DCC: variants seen among roughly 807,000 people sequenced by gnomAD.
DCC encodes the protein netrin receptor DCC.
A neutral mutation model predicts 172.5 loss-of-function variants in DCC; 58 were observed. The ratio of observed to expected loss-of-function variants is 0.34; its 90% CI spans 0.27 to 0.42. The LOEUF (loss-of-function observed/expected upper bound fraction) is 0.42, where lower values mean the gene tolerates loss of function less well. Among genes scored for constraint, DCC ranks in the 10% least tolerant of loss-of-function variants. DCC has a pLI of 1.00. For missense variants in DCC, 1,740 were observed against 1,791.0 expected, an observed-to-expected ratio of 0.97 and a Z score of 0.51; for synonymous variants, 709 against 644.5, an observed-to-expected ratio of 1.10 and a Z score of -1.52.
intron 5 of DCC, among the ~76,000 whole-genome samples, chr18:53,021,219 C>T (rs1568249780): frequency 6.6e-6 from 1 of 152,128 alleles, no homozygotes; most frequent in Non-Finnish European, 1.5e-5. Context: ...TACCTGGCCC[C>T]GTGTTCATTC....
intron 5 of DCC, among the ~76,000 whole-genome samples, chr18:53,042,534 A>T (rs2042182776): frequency 6.6e-6 from 1 of 151,952 alleles, no homozygotes; most frequent in Non-Finnish European, 1.5e-5. Context: ...TGAGTTAGGG[A>T]GGAGTCCCTC....
At chr18:53,219,556 C>T (rs373659472) in intron 12 of DCC, among the ~76,000 whole-genome samples, 2 of 152,108 alleles carry the variant, frequency 1.3e-5, no homozygotes, top group African/African-American at 4.8e-5. Flanking sequence ...TATCACCTCA[C>T]ACCTCTCTGC....
intron 1 of DCC, among the ~76,000 whole-genome samples, chr18:52,347,705 G>A (rs1983939327): frequency 6.6e-6 from 1 of 152,028 alleles, no homozygotes; most frequent in Admixed American, 6.6e-5. Context: ...CTTATTAGAG[G>A]AATATCTAAT....
intron 1 of DCC, among the ~76,000 whole-genome samples, chr18:52,547,182 C>T (rs578101996): frequency 2.6e-4 from 40 of 152,272 alleles, no homozygotes; most frequent in African/African-American, 8.4e-4. Flanking sequence ...CCAAGACATC[C>T]AATTGCAGGC....
chr18:52,632,572 A>C (rs558661610), intron 1 of DCC, among the ~76,000 whole-genome samples: 235 of 152,336 alleles, frequency 1.5e-3, no homozygotes, highest in African/African-American at 5.5e-3. Flanking sequence ...AGTAAATTTA[A>C]GGTCAACTAA....
chr18:53,318,287 G>T (rs2144817101), intron 13 of DCC, among the ~76,000 whole-genome samples: 2 of 152,226 alleles, frequency 1.3e-5, no homozygotes, highest in East Asian at 1.9e-4. Context: ...GTAGTTGTGT[G>T]GTTTTGAGTG....
At chr18:52,601,767 G>A (rs1477820425) in intron 1 of DCC, among the ~76,000 whole-genome samples, 2 of 151,972 alleles carry the variant, frequency 1.3e-5, no homozygotes, top group Non-Finnish European at 1.5e-5. Flanking sequence ...GCCTATATTA[G>A]CACAAGTGTA....
chr18:53,529,003 T>TTCTCTCTCTC (rs144580817), intron 28 of DCC, among the ~76,000 whole-genome samples: 23 of 101,086 alleles, frequency 2.3e-4, no homozygotes, highest in African/African-American at 4.0e-4. Context: ...TCACTTCAAC[T>TTCTCTCTCTC]TCTCTCTCTC....
chr18:53,295,258 T>A (rs1006365817), intron 12 of DCC, among the ~76,000 whole-genome samples: 1 of 152,110 alleles, frequency 6.6e-6, no homozygotes, highest in African/African-American at 2.4e-5. Flanking sequence ...CAAGAAATTA[T>A]ATATTTATTA....
intron 1 of DCC, among the ~76,000 whole-genome samples, chr18:52,721,396 T>C (rs1039291600): frequency 1.3e-5 from 2 of 152,190 alleles, no homozygotes; most frequent in Non-Finnish European, 2.9e-5. Flanking sequence ...ACTTTGACTG[T>C]GCCTAACAGG....
chr18:53,191,424 CAT>C (rs2055365052), intron 9 of DCC, among the ~76,000 whole-genome samples: 1 of 150,308 alleles, frequency 6.7e-6, no homozygotes, highest in South Asian at 2.1e-4. Context: ...TTTATAACCT[CAT>C]ATTTTTATAG....
intron 1 of DCC, chr18:52,408,892 G>A (rs1986748538): frequency 6.6e-6 from 1 of 152,094 alleles, no homozygotes; most frequent in Admixed American, 6.6e-5. Context: ...ATTTGTGGGA[G>A]TTTGGGGAGT....
Position 53,516,466 on chromosome 18 carries a change from A to C in DCC, c.4112-10151A>C, listed in dbSNP as rs867472030. Among the ~76,000 whole-genome samples, 522 of 147,026 alleles carry C rather than the reference A, an allele frequency of 3.6e-3. 6 individuals are homozygous for C. The highest frequency in any genetic ancestry group is 0.01 in the Middle Eastern group (3 of 290). ...TTGACAAATGGGATCTAATTAAACT[A>C]AAGAGCTTCTGCACAGCAAAAGAAA... On this transcript the variant is annotated intron_variant, in intron 27 of 28. Transcript: ENST00000442544.
intron 1 of DCC, among the ~76,000 whole-genome samples, chr18:52,347,479 C>A (rs1038425550): frequency 1.3e-5 from 2 of 152,046 alleles, no homozygotes; most frequent in African/African-American, 4.8e-5. Flanking sequence ...TTATTTTTCC[C>A]ATCAATTGAC....
intron 1 of DCC, among the ~76,000 whole-genome samples, chr18:52,526,957 G>A: frequency 6.6e-6 from 1 of 152,120 alleles, no homozygotes; most frequent in African/African-American, 2.4e-5. Flanking sequence ...CAATCTACAG[G>A]TGGTGTTTAA....
chr18:53,013,438 A>G (rs1299062999), intron 5 of DCC, among the ~76,000 whole-genome samples: 5 of 152,070 alleles, frequency 3.3e-5, no homozygotes, highest in Admixed American at 2.6e-4. Context: ...GCAAACTAAC[A>G]CAGAAACAGA....
intron 7 of DCC, among the ~76,000 whole-genome samples, chr18:53,128,870 C>CACACATATATATAT (rs1300738812): frequency 3.2e-4 from 25 of 77,442 alleles, no homozygotes; most frequent in African/African-American, 4.4e-4. Context: ...CACACACACA[C>CACACATATATATAT]ATATATATAT....
At chr18:52,610,402 A>AAAAAAAAAG (rs2034252823) in intron 1 of DCC, among the ~76,000 whole-genome samples, 2 of 131,264 alleles carry the variant, frequency 1.5e-5, no homozygotes, top group African/African-American at 5.6e-5. Flanking sequence ...AAAAAAAAAA[A>AAAAAAAAAG]AAAAAGAAAA....
intron 7 of DCC, among the ~76,000 whole-genome samples, chr18:53,070,676 G>A (rs1264144478): frequency 2.6e-5 from 4 of 152,212 alleles, no homozygotes. Flanking sequence ...AGATGGTAGA[G>A]TGTTGTCAGT....
Sources: gnomAD v4.1 joint callset for allele counts (sites outside exome capture counted in the v4.1 genomes callset) on GRCh38, gnomAD v4.1.1 for gene constraint, MANE v1.5 for transcripts, NCBI Gene and HGNC (gene_info 2026-07-23, HGNC 2026-07-21) for gene names.